Variants in GNAI3 observed in about 807,000 individuals in gnomAD.
The protein encoded by GNAI3 is G protein subunit alpha i3, also known as guanine nucleotide-binding protein G(i) subunit alpha-3.
In GNAI3, 12 loss-of-function variants were observed where a neutral mutation model predicts 41.8. The observed-to-expected ratio is 0.29, with a 90% CI of 0.18 to 0.47. The LOEUF (loss-of-function observed/expected upper bound fraction) is 0.47. Ranked by LOEUF, GNAI3 falls within the 20% of genes least tolerant of loss-of-function variation. The probability of loss-of-function intolerance (pLI) is 1.00; values close to 1 mark genes in which losing one functional copy is unlikely to be tolerated. For synonymous variants in GNAI3, 132 were observed against 146.5 expected, an observed-to-expected ratio of 0.90 and a Z score of 0.71; for missense variants, 360 against 429.6, an observed-to-expected ratio of 0.84 and a Z score of 1.43.
intron 3 of GNAI3, among the ~76,000 whole-genome samples, chr1:109,578,487 AAAAAG>A (rs1557909309): frequency 3.3e-5 from 5 of 150,934 alleles, no homozygotes; most frequent in Admixed American, 6.6e-5. Flanking sequence ...AAAAAAAAAA[AAAAAG>A]AAAAGAAATA....
At chr1:109,568,470 T>C (rs1296409841) in intron 1 of GNAI3, among the ~76,000 whole-genome samples, 1 of 152,118 alleles carries the variant, frequency 6.6e-6, no homozygotes, top group Admixed American at 6.6e-5. Flanking sequence ...TGCTTGAGCC[T>C]GGGAGATTGA....
chr1:109,552,631 C>A (rs1648007072), intron 1 of GNAI3, among the ~76,000 whole-genome samples: 1 of 151,666 alleles, frequency 6.6e-6, no homozygotes, highest in Admixed American at 6.6e-5. Flanking sequence ...AAATTTATAC[C>A]AATTTAATAT....
chr1:109,581,994 ATTTC>A (rs1010186197), intron 4 of GNAI3, among the ~76,000 whole-genome samples: 9 of 151,940 alleles, frequency 5.9e-5, no homozygotes, highest in Admixed American at 2.6e-4. Flanking sequence ...TTTTCTTATT[ATTTC>A]TTTCTTTTTT....
chr1:109,567,608 A>G (rs573235107), intron 1 of GNAI3, among the ~76,000 whole-genome samples: 4 of 152,350 alleles, frequency 2.6e-5, no homozygotes, highest in East Asian at 3.9e-4. Flanking sequence ...TTCAGATTCT[A>G]TCTAGGATTT....
At chr1:109,550,009 G>A (rs1647941159) in intron 1 of GNAI3, among the ~76,000 whole-genome samples, 1 of 152,144 alleles carries the variant, frequency 6.6e-6, no homozygotes, top group African/African-American at 2.4e-5. Flanking sequence ...TTCTAGGGTA[G>A]TATTTCCATT....
At position 109,599,836 on chromosome 1, in the gene GNAI3, A is replaced by G. The variant is rs1304358601; in HGVS notation, c.*7514A>G. 1 of 152,162 alleles carries G rather than the reference A, an allele frequency of 6.6e-6. No individual in the cohort carries two copies. The highest frequency in any genetic ancestry group is 1.5e-5 in the Non-Finnish European group (1 of 68,044). The allele number at this position is 152,162 out of a possible 1,614,324, so 9.4% of individuals were successfully genotyped here. ...CAAGAATTTGGTTGGGAATGGGAGG[A>G]GCTTAGAAGAACAAGAAATTGGCTT... On this transcript the variant is annotated 3_prime_UTR_variant, in exon 9 of 9. Coordinates refer to ENST00000369851, the MANE Select transcript of GNAI3 (RefSeq NM_006496.4).
chr1:109,578,625 T>C (rs1189833594), intron 3 of GNAI3, among the ~76,000 whole-genome samples: 1 of 152,176 alleles, frequency 6.6e-6, no homozygotes, highest in African/African-American at 2.4e-5. Context: ...TAGGGACTGT[T>C]TGAATCTTTC....
In GNAI3 at chr1:109,592,743, A is replaced by G. The variant is rs1213248891; in HGVS notation, c.*421A>G. 6.5e-6 allele frequency: 1 copy of G among 153,204 alleles called. No homozygotes were observed. The highest frequency in any genetic ancestry group is 1.5e-5 in the Non-Finnish European group (1 of 68,462). The allele number at this position is 153,204 out of a possible 1,614,324, so 9.5% of individuals were successfully genotyped here. A position where few individuals can be genotyped will look rare whatever the true frequency, so the allele number is the denominator to read the frequency against. On this transcript the variant is annotated 3_prime_UTR_variant, in exon 9 of 9. Coordinates refer to ENST00000369851, the MANE Select transcript of GNAI3 (RefSeq NM_006496.4). ...AATTTTATTTCTTTATTTGCAAAAG[A>G]ATCTTTATTAAAACAAACAATCTTA...
chr1:109,581,200 G>A (rs572602472), intron 4 of GNAI3, among the ~76,000 whole-genome samples: 22 of 152,004 alleles, frequency 1.4e-4, no homozygotes, highest in African/African-American at 5.3e-4. Context: ...AAAGAATACA[G>A]TTTTGAAGCA....
chr1:109,560,793 C>G (rs965675014), intron 1 of GNAI3, among the ~76,000 whole-genome samples: 1 of 152,164 alleles, frequency 6.6e-6, no homozygotes, highest in Admixed American at 6.5e-5. Flanking sequence ...AAGTGATCCT[C>G]TCAACTCAGC....
At chr1:109,564,251 C>G (rs142058729) in intron 1 of GNAI3, among the ~76,000 whole-genome samples, 2 of 152,142 alleles carry the variant, frequency 1.3e-5, no homozygotes, top group Non-Finnish European at 2.9e-5. Context: ...GCTGGCTTCA[C>G]TATTTCTGCC....
At chr1:109,577,318 C>A (rs1276588461) in intron 3 of GNAI3, among the ~76,000 whole-genome samples, 1 of 148,748 alleles carries the variant, frequency 6.7e-6, no homozygotes, top group Admixed American at 6.7e-5. Context: ...GCTCTGTCGC[C>A]CAGGCTAGAG....
chr1:109,552,714 TTTTG>T (rs1269703510), intron 1 of GNAI3, among the ~76,000 whole-genome samples: 4 of 152,124 alleles, frequency 2.6e-5, no homozygotes, highest in African/African-American at 9.6e-5. Flanking sequence ...TGTGTGCGGG[TTTTG>T]TTTTTGTTTT....
intron 1 of GNAI3, among the ~76,000 whole-genome samples, chr1:109,573,213 G>A (rs1442719180): frequency 6.6e-6 from 1 of 152,126 alleles, no homozygotes; most frequent in South Asian, 2.1e-4. Context: ...GGCTAAGGAG[G>A]GCAGGGTGGT....
intron 1 of GNAI3, among the ~76,000 whole-genome samples, chr1:109,572,235 G>GGGAGGC (rs1648621989): frequency 6.6e-6 from 1 of 152,064 alleles, no homozygotes; most frequent in African/African-American, 2.4e-5. Flanking sequence ...GCTTGAACCT[G>GGGAGGC]GGAGGCGGAG....
chr1:109,550,208 C>T (rs936718441), intron 1 of GNAI3, among the ~76,000 whole-genome samples: 17 of 152,156 alleles, frequency 1.1e-4, no homozygotes, highest in African/African-American at 4.1e-4. Context: ...ATTCTAAGTG[C>T]CCCTGTTAGT....
intron 1 of GNAI3, among the ~76,000 whole-genome samples, chr1:109,551,820 TATTGTA>T (rs1481760672): frequency 6.6e-6 from 1 of 152,234 alleles, no homozygotes; most frequent in Non-Finnish European, 1.5e-5. Context: ...GACACTTCAG[TATTGTA>T]ATTCTTCCTT....
intron 1 of GNAI3, among the ~76,000 whole-genome samples, chr1:109,556,747 C>T (rs1457060134): frequency 6.6e-6 from 1 of 152,208 alleles, no homozygotes; most frequent in African/African-American, 2.4e-5. Flanking sequence ...CTGTTACTCT[C>T]ATCTCTTACA....
chr1:109,550,700 A>AT (rs1343467302), intron 1 of GNAI3, among the ~76,000 whole-genome samples: 1 of 151,948 alleles, frequency 6.6e-6, no homozygotes, highest in African/African-American at 2.4e-5. Context: ...CGCCTGGCTA[A>AT]TTTTTTGTAT....
Sources: allele counts gnomAD v4.1 joint callset (sites outside exome capture counted in the v4.1 genomes callset), GRCh38; gene constraint gnomAD v4.1.1; transcripts MANE v1.5; gene names NCBI Gene and HGNC (gene_info 2026-07-23, HGNC 2026-07-21).